The following PIK3R1 variants were observed in gnomAD, a reference collection of about 807,000 sequenced individuals.
PIK3R1 encodes the protein phosphoinositide-3-kinase regulatory subunit 1.
PIK3R1 carries 29 observed loss-of-function variants against 98.0 expected under a neutral mutation model. That is an observed-to-expected ratio of 0.30 (90% confidence interval 0.22 to 0.40). The LOEUF (loss-of-function observed/expected upper bound fraction) is 0.40, where lower values mean the gene tolerates loss of function less well. Among genes scored for constraint, PIK3R1 ranks in the 10% least tolerant of loss-of-function variants. PIK3R1 has a pLI of 1.00. For missense variants in PIK3R1, 596 were observed against 872.7 expected, an observed-to-expected ratio of 0.68 and a Z score of 3.99; for synonymous variants, 282 against 311.8, an observed-to-expected ratio of 0.90 and a Z score of 1.01.
chr5:68,263,128 CATAGATACAT>C (rs1745957256), intron 2 of PIK3R1, among the ~76,000 whole-genome samples: 2 of 81,252 alleles, frequency 2.5e-5, no homozygotes, highest in South Asian at 4.0e-4. Flanking sequence ...TATATAGATA[CATAGATACAT>C]ATATATTTAT....
chr5:68,265,187 A>C (rs6863431), intron 2 of PIK3R1, among the ~76,000 whole-genome samples: 28,048 of 151,580 alleles, frequency 0.19, 2,746 homozygotes, highest in South Asian at 0.22. Flanking sequence ...CTCCTGAATC[A>C]GGCTGTTAAT....
At position 68,275,753 on chromosome 5, in the gene PIK3R1, C is replaced by G. The variant is rs542907682; in HGVS notation, c.502+1740C>G. On this transcript the variant is annotated intron_variant, in intron 4 of 15. Coordinates refer to ENST00000521381, the MANE Select transcript of PIK3R1 (RefSeq NM_181523.3). ...GGGAGTGGATCTGCCAGATCTGTTT[C>G]CAACTCAAAGATTTTTCAATACATA... is the stretch of plus-strand genomic sequence containing the variant. Among the ~76,000 whole-genome samples, 3 of 152,204 alleles carry G rather than the reference C, an allele frequency of 2.0e-5. No homozygotes were observed. In the East Asian group the frequency reaches 5.8e-4, roughly 29 times the overall value.
In PIK3R1 at chr5:68,216,549, C is replaced by T. The variant is rs535991446; in HGVS notation, c.-387+600C>T. ...GGGGTGGGGGAAGTGCGCCTCGGGG[C>T]GGTTGGTCGCTGGGGCCCTAACTCA... On this transcript the variant is annotated intron_variant, in intron 1 of 15. Transcript: ENST00000521381. 2.3e-3 allele frequency among the ~76,000 whole-genome samples: 343 copies of T among 152,266 alleles called. 3 individuals are homozygous for T. Among genetic ancestry groups the T allele is most frequent in the African/African-American group, 7.7e-3 (322 of 41,556 alleles).
intron 1 of PIK3R1, chr5:68,217,556 G>A (rs1255386744): frequency 6.6e-6 from 1 of 151,998 alleles, no homozygotes; most frequent in Admixed American, 6.6e-5. Context: ...GTTTTCTTAG[G>A]TGCAAAAGTT....
chr5:68,279,898 G>A (rs1436937236), intron 5 of PIK3R1, among the ~76,000 whole-genome samples, 165 bp downstream of exon 5: 1 of 152,174 alleles, frequency 6.6e-6, no homozygotes, highest in African/African-American at 2.4e-5. Flanking sequence ...AAGCATCCAA[G>A]AGAAGACCCA....
chr5:68,259,927 G>A (rs912441870), intron 2 of PIK3R1, among the ~76,000 whole-genome samples: 1 of 152,150 alleles, frequency 6.6e-6, no homozygotes, highest in African/African-American at 2.4e-5. Flanking sequence ...GACTAGTACA[G>A]CTATATGAGC....
At chr5:68,241,381 T>C (rs950469926) in intron 2 of PIK3R1, among the ~76,000 whole-genome samples, 1 of 34,846 alleles carries the variant, frequency 2.9e-5, no homozygotes, top group African/African-American at 1.7e-4. Context: ...TGGTTACAAT[T>C]TTTTTTGTTT....
At position 68,300,319 on chromosome 5, in the gene PIK3R1, A is replaced by G. The variant is rs966187613; in HGVS notation, c.*2718A>G. ...TTGCCCACCGCATTTGTCGTTTTAG[A>G]TACTTTGCTAGCCGGCCACTTTGGA... On this transcript the variant is annotated 3_prime_UTR_variant, in exon 16 of 16. Transcript: ENST00000521381. 2 of 232,984 alleles carry G rather than the reference A, an allele frequency of 8.6e-6. No homozygotes were observed. The highest frequency in any genetic ancestry group is 1.7e-5 in the Non-Finnish European group (2 of 117,958). 14.4% of individuals were successfully genotyped at this position (232,984 alleles called of 1,614,324 possible).
chr5:68,290,873 C>T (rs1747350690), intron 7 of PIK3R1: 4 of 1,405,182 alleles, frequency 2.8e-6, no homozygotes, highest in African/African-American at 1.5e-5. Context: ...TAGTTAATTT[C>T]GTGGCTTTTT....
intron 8 of PIK3R1, chr5:68,292,724 A>AG: frequency 7.9e-7 from 1 of 1,273,100 alleles, no homozygotes; most frequent in East Asian, 3.9e-5. Flanking sequence ...GGGAAGGGGG[A>AG]GTAAGGTTGG....
intron 2 of PIK3R1, among the ~76,000 whole-genome samples, chr5:68,272,872 C>T (rs1412509562): frequency 6.6e-6 from 1 of 152,290 alleles, no homozygotes; most frequent in South Asian, 2.1e-4. Flanking sequence ...TACCCTGTGC[C>T]TAAGTATTTT....
chr5:68,298,571 TAA>T lies in PIK3R1; in HGVS notation c.*981_*982del, dbSNP rs36055833. The stretch of plus-strand genomic sequence containing the variant: ...TAAAAGTAAATGTACAGGATGCCAG[TAA>T]AAAAAAAAAATGGCTTCAGAATTAA... On this transcript the variant is annotated 3_prime_UTR_variant, in exon 16 of 16. Coordinates refer to ENST00000521381, the MANE Select transcript of PIK3R1 (RefSeq NM_181523.3). 9.9e-5 allele frequency: 22 copies of T among 221,230 alleles called. No individual in the cohort carries two copies. The highest frequency in any genetic ancestry group is 1.9e-4 in the East Asian group (3 of 15,580). The allele number at this position is 221,230 out of a possible 1,614,324, so 13.7% of individuals were successfully genotyped here. A position where few individuals can be genotyped will look rare whatever the true frequency, so the allele number is the denominator to read the frequency against.
intron 7 of PIK3R1, among the ~76,000 whole-genome samples, chr5:68,286,420 G>A (rs898708940): frequency 6.6e-6 from 1 of 152,100 alleles, no homozygotes; most frequent in Admixed American, 6.5e-5. Flanking sequence ...TACATTAGTT[G>A]GTGTCAAATT....
intron 2 of PIK3R1, among the ~76,000 whole-genome samples, chr5:68,247,374 C>T (rs1745139477): frequency 6.6e-6 from 1 of 152,172 alleles, no homozygotes; most frequent in Non-Finnish European, 1.5e-5. Flanking sequence ...CCACGGCTAA[C>T]TGCAGTCTGA....
At chr5:68,256,788 G>GA (rs1745536959) in intron 2 of PIK3R1, among the ~76,000 whole-genome samples, 1 of 151,956 alleles carries the variant, frequency 6.6e-6, no homozygotes, top group Admixed American at 6.6e-5. Flanking sequence ...GTTTGGGAAA[G>GA]AAAAAACAAG....
At chr5:68,267,286 C>T (rs565149538) in intron 2 of PIK3R1, among the ~76,000 whole-genome samples, 2 of 152,216 alleles carry the variant, frequency 1.3e-5, no homozygotes, top group African/African-American at 2.4e-5. Context: ...TAGCTAAGCC[C>T]GTCAGAAACA....
chr5:68,223,382 T>C (rs1744164553), intron 1 of PIK3R1, among the ~76,000 whole-genome samples: 1 of 152,004 alleles, frequency 6.6e-6, no homozygotes. Context: ...TTTTTTTTTT[T>C]TTCCACAACA....
intron 2 of PIK3R1, among the ~76,000 whole-genome samples, chr5:68,248,474 C>T (rs1412488599): frequency 6.6e-6 from 1 of 152,108 alleles, no homozygotes; most frequent in Non-Finnish European, 1.5e-5. Flanking sequence ...TTAAGATTAC[C>T]AAAGATTAGT....
chr5:68,288,505 C>CGGAGGGA, intron 7 of PIK3R1: 8 of 1,298,768 alleles, frequency 6.2e-6, no homozygotes, highest in Non-Finnish European at 6.8e-6. Flanking sequence ...GGGCGTGGGG[C>CGGAGGGA]GGAGGGACGA....
Sources: allele counts gnomAD v4.1 joint callset (sites outside exome capture counted in the v4.1 genomes callset), GRCh38; gene constraint gnomAD v4.1.1; transcripts MANE v1.5; gene names NCBI Gene and HGNC (gene_info 2026-07-23, HGNC 2026-07-21).